PCDHGA8: variants seen among roughly 807,000 people sequenced by gnomAD.
PCDHGA8 encodes protocadherin gamma subfamily A, 8.
A neutral mutation model predicts 59.2 loss-of-function variants in PCDHGA8; 45 were observed. The ratio of observed to expected loss-of-function variants is 0.76; its 90% CI spans 0.60 to 0.98. The LOEUF (loss-of-function observed/expected upper bound fraction) is 0.98, where lower values mean the gene tolerates loss of function less well. Ranked by LOEUF, PCDHGA8 falls within the 50% of genes least tolerant of loss-of-function variation. The pLI is 0.00. For synonymous variants in PCDHGA8, 531 were observed against 519.0 expected (o/e 1.02, Z -0.32); for missense variants, 1,257 against 1,196.2 (o/e 1.05, Z -0.75).
chr5:141,500,680 T>C (rs999167635), intron 2 of PCDHGA8, among the ~76,000 whole-genome samples: 7 of 152,224 alleles, frequency 4.6e-5, no homozygotes, highest in Non-Finnish European at 7.3e-5. Context: ...AACAGAATTA[T>C]AGCTTTTTTC....
intron 1 of PCDHGA8, chr5:141,422,516 G>A (rs575294611): frequency 1.2e-6 from 2 of 1,614,014 alleles, no homozygotes; most frequent in African/African-American, 1.3e-5. Context: ...GACCAGGGAA[G>A]CCCGCCTTTG....
intron 1 of PCDHGA8, chr5:141,419,680 C>T (rs757026598): frequency 9.3e-6 from 15 of 1,612,946 alleles, no homozygotes; most frequent in Non-Finnish European, 1.3e-5. Flanking sequence ...TGTCCTACCA[C>T]GTGGTGCAGG....
chr5:141,393,947 G>T lies in PCDHGA8; in HGVS notation c.1134G>T (p.Lys378Asn). 6.2e-7 allele frequency: 1 copy of T among 1,613,972 alleles called. No homozygotes were observed. Among genetic ancestry groups the T allele is most frequent in the Non-Finnish European group, 8.5e-7 (1 of 1,179,862 alleles). Residue 378 changes from lysine to asparagine, a missense_variant, in exon 1 of 4, where the codon AAG (lysine) becomes AAT (asparagine). Coordinates refer to ENST00000398604, the MANE Select transcript of PCDHGA8 (RefSeq NM_032088.2). ...FLSVHDQDSGKNGQVVCYTRD... is the reference protein window; with the variant it reads ...FLSVHDQDSGNNGQVVCYTRD... ...GTGTGCATGACCAAGACTCTGGAAA[G>T]AATGGTCAAGTTGTCTGTTACACAC...
At chr5:141,398,866 T>TAC (rs775997367) in intron 1 of PCDHGA8, 28 of 1,613,844 alleles carry the variant, frequency 1.7e-5, no homozygotes, top group Non-Finnish European at 8.5e-7. Flanking sequence ...CCGAGACGTG[T>TAC]ACAGAGTCAG....
Position 141,490,483 on chromosome 5 carries a change from G to A in PCDHGA8, c.2425-4324G>A. On this transcript the variant is annotated intron_variant, in intron 1 of 3. Transcript: ENST00000398604. The surrounding 1 kb of genome is among the most constrained non-coding windows in gnomAD (Gnocchi z 5.4). ...GCTAACCAGCCAGCCTTTGGACCGG[G>A]AGGCCACATCCCACTATATCATCGA... 2.5e-6 allele frequency: 4 copies of A among 1,614,198 alleles called. No individual in the cohort carries two copies. Among genetic ancestry groups the A allele is most frequent in the Non-Finnish European group, 3.4e-6 (4 of 1,180,046 alleles).
intron 3 of PCDHGA8, among the ~76,000 whole-genome samples, chr5:141,508,986 G>C (rs1298630784): frequency 2.0e-5 from 3 of 152,148 alleles, no homozygotes; most frequent in Non-Finnish European, 4.4e-5. Context: ...GTGGGGGCCA[G>C]CTGGGGTAGG....
intron 1 of PCDHGA8, among the ~76,000 whole-genome samples, chr5:141,438,620 A>G (rs2098023964): frequency 1.0e-4 from 4 of 39,044 alleles, no homozygotes; most frequent in African/African-American, 8.0e-4. Flanking sequence ...ATATATATAT[A>G]TATATATATA....
chr5:141,503,045 G>A (rs543484478), intron 2 of PCDHGA8, among the ~76,000 whole-genome samples: 1 of 151,702 alleles, frequency 6.6e-6, no homozygotes, highest in South Asian at 2.1e-4. Context: ...AGTTGAGACA[G>A]GGTTTCACCA....
At chr5:141,449,369 G>A (rs561017816) in intron 1 of PCDHGA8, among the ~76,000 whole-genome samples, 4 of 152,068 alleles carry the variant, frequency 2.6e-5, no homozygotes, top group South Asian at 4.2e-4. Flanking sequence ...CACTTTGGGA[G>A]GCTGAGGCAG....
intron 1 of PCDHGA8, among the ~76,000 whole-genome samples, chr5:141,456,288 G>A (rs371687260): frequency 1.4e-3 from 217 of 152,226 alleles, no homozygotes; most frequent in Middle Eastern, 6.8e-3. Context: ...GAAAAGGGGC[G>A]TCTAATGGAG....
chr5:141,415,764 T>G lies in PCDHGA8; in HGVS notation c.2424+20527T>G, dbSNP rs1158166352. The G allele has an allele frequency of 5.0e-6, 7 of 1,391,674 alleles. No homozygotes were observed. The African/African-American group carries it at 7.5e-5, about 15-fold the overall frequency. 86.2% of individuals were successfully genotyped at this position (1,391,674 alleles called of 1,614,324 possible). Reference sequence around the variant, plus strand: ...GGTTTTTTTTTTTTTTTTTTTTTTTTTTTTTTTTACTTTCTGGTAAAATTC... The same window carrying G: ...GGTTTTTTTTTTTTTTTTTTTTTTTGTTTTTTTTACTTTCTGGTAAAATTC... On this transcript the variant is annotated intron_variant, in intron 1 of 3. Coordinates refer to ENST00000398604, the MANE Select transcript of PCDHGA8 (RefSeq NM_032088.2).
chr5:141,436,207 A>T (rs544201723), intron 1 of PCDHGA8, among the ~76,000 whole-genome samples: 1 of 152,142 alleles, frequency 6.6e-6, no homozygotes, highest in Admixed American at 6.5e-5. Context: ...ACATAATAGG[A>T]AAACAAATGA....
At chr5:141,444,288 C>T (rs2098430665) in intron 1 of PCDHGA8, among the ~76,000 whole-genome samples, 1 of 150,100 alleles carries the variant, frequency 6.7e-6, no homozygotes, top group South Asian at 2.1e-4. Flanking sequence ...TCTCCTGCCT[C>T]AGCCTCCCTA....
At position 141,477,401 on chromosome 5, in the gene PCDHGA8, G is replaced by T. The variant is rs781253466; in HGVS notation, c.2425-17406G>T. On this transcript the variant is annotated intron_variant, in intron 1 of 3. Coordinates refer to ENST00000398604, the MANE Select transcript of PCDHGA8 (RefSeq NM_032088.2). The surrounding 1 kb of genome is among the most constrained non-coding windows in gnomAD (Gnocchi z 4.9). ...GCCAGAATACAACCTCAGCATCACC[G>T]CCCGAGACGCCGGAACCCCTTCCCT... 8 of 1,613,960 alleles carry T rather than the reference G, an allele frequency of 5.0e-6. No homozygotes were observed. The highest frequency in any genetic ancestry group is 4.5e-5 in the East Asian group (2 of 44,890).
At chr5:141,506,444 CAAAAAAAA>C (rs1219684339) in intron 3 of PCDHGA8, among the ~76,000 whole-genome samples, 24 of 95,024 alleles carry the variant, frequency 2.5e-4, no homozygotes, top group African/African-American at 9.5e-4. Flanking sequence ...CGCTCTGTCT[CAAAAAAAA>C]AAAAAAAAAA....
chr5:141,405,527 C>T (rs1055420196), intron 1 of PCDHGA8: 7 of 670,510 alleles, frequency 1.0e-5, no homozygotes, highest in Non-Finnish European at 1.8e-5. Flanking sequence ...TCAAGCGATT[C>T]TCCTGCCTCA....
At chr5:141,473,402 T>C (rs1019157713) in intron 1 of PCDHGA8, among the ~76,000 whole-genome samples, 7 of 152,224 alleles carry the variant, frequency 4.6e-5, no homozygotes, top group Non-Finnish European at 7.3e-5. Flanking sequence ...CTTCTTTTTT[T>C]CTTCTTCAGT....
At chr5:141,456,171 A>ACAGGCG (rs1443838766) in intron 1 of PCDHGA8, among the ~76,000 whole-genome samples, 2 of 152,096 alleles carry the variant, frequency 1.3e-5, no homozygotes, top group East Asian at 3.9e-4. Flanking sequence ...TGCTGGGATT[A>ACAGGCG]CAGAATAATT....
At chr5:141,417,700 A>G in intron 1 of PCDHGA8, 1 of 1,180,094 alleles carries the variant, frequency 8.5e-7, no homozygotes, top group Admixed American at 3.0e-5. Flanking sequence ...ACCAGCTCCC[A>G]CACAGAGGCT....
Sources: allele counts gnomAD v4.1 joint callset (sites outside exome capture counted in the v4.1 genomes callset), GRCh38; gene constraint gnomAD v4.1.1; non-coding constraint Gnocchi (gnomAD v3.1); transcripts MANE v1.5; gene names NCBI Gene and HGNC (gene_info 2026-07-23, HGNC 2026-07-21).